The following HS3ST5 variants were observed in gnomAD, a reference collection of about 807,000 sequenced individuals.
HS3ST5 encodes the protein heparan sulfate-glucosamine 3-sulfotransferase 5.
A neutral mutation model predicts 25.4 loss-of-function variants in HS3ST5; 10 were observed. That is an observed-to-expected ratio of 0.39 (90% CI 0.24 to 0.67). The LOEUF (loss-of-function observed/expected upper bound fraction) is 0.67, where lower values mean the gene tolerates loss of function less well. HS3ST5 is among the 30% of genes least tolerant of loss of function. HS3ST5 has a pLI of 0.44. For missense variants in HS3ST5, 324 were observed against 420.7 expected (o/e 0.77, Z 2.01); for synonymous variants, 170 against 162.4 (o/e 1.05, Z -0.36).
At chr6:114,287,191 T>C (rs1223632356) in intron 1 of HS3ST5, among the ~76,000 whole-genome samples, 9 of 152,070 alleles carry the variant, frequency 5.9e-5, no homozygotes, top group Admixed American at 5.9e-4. Context: ...ATTAATATTA[T>C]GCATTCATGG....
chr6:114,331,025 T>C (rs1404480040), intron 1 of HS3ST5, among the ~76,000 whole-genome samples: 2 of 152,242 alleles, frequency 1.3e-5, no homozygotes, highest in Non-Finnish European at 2.9e-5. Flanking sequence ...TTTCAGCTAC[T>C]TATAACACGT....
Position 114,057,892 on chromosome 6 carries a change from T to C in HS3ST5, c.406A>G (p.Ile136Val). 2 of 1,614,222 alleles carry C rather than the reference T, an allele frequency of 1.2e-6. No homozygotes were observed. Among genetic ancestry groups the C allele is most frequent in the Non-Finnish European group, 1.7e-6 (2 of 1,180,042 alleles). The stretch of plus-strand genomic sequence containing the variant: ...GGCATCTTTTTCCTATACCACTCAA[T>C]GCCCTTACCATAATTCTCATCATTA... ...FDNDENYGKG[I>V]EWYRKKMPFS... Residue 136 changes from isoleucine (I) to valine (V), a missense_variant, in exon 5 of 5, where the codon ATT becomes GTT. Ile to Val is a conservative substitution (Grantham distance 29). This residue lies in a region of HS3ST5 where 203 missense variants were observed against 303.4 expected (regional missense o/e 0.67). Coordinates refer to ENST00000312719, the MANE Select transcript of HS3ST5 (RefSeq NM_153612.4).
intron 3 of HS3ST5, among the ~76,000 whole-genome samples, chr6:114,067,354 AACT>A (rs1480371503): frequency 1.4e-4 from 22 of 152,216 alleles, no homozygotes; most frequent in Admixed American, 4.6e-4. Flanking sequence ...CTCATGGTTA[AACT>A]GTTTAAGTTT....
At chr6:114,267,157 T>A (rs958201425) in intron 1 of HS3ST5, among the ~76,000 whole-genome samples, 1 of 152,226 alleles carries the variant, frequency 6.6e-6, no homozygotes, top group Non-Finnish European at 1.5e-5. Context: ...AAAGATTTAT[T>A]AAAGGCTAAT....
chr6:114,131,584 G>A (rs1279213895), intron 3 of HS3ST5, among the ~76,000 whole-genome samples: 3 of 152,036 alleles, frequency 2.0e-5, no homozygotes, highest in Non-Finnish European at 2.9e-5. Context: ...TTGGAGAAGG[G>A]GGACAATTTG....
At chr6:114,288,522 G>C (rs1774435741) in intron 1 of HS3ST5, among the ~76,000 whole-genome samples, 1 of 151,872 alleles carries the variant, frequency 6.6e-6, no homozygotes, top group Admixed American at 6.6e-5. Flanking sequence ...AAGAACATAA[G>C]AGACTTGTAC....
At chr6:114,142,319 T>G (rs575149744) in intron 3 of HS3ST5, among the ~76,000 whole-genome samples, 2 of 152,148 alleles carry the variant, frequency 1.3e-5, no homozygotes, top group Non-Finnish European at 2.9e-5. Context: ...AGGTTTACAG[T>G]TTGGGATTGG....
chr6:114,336,627 AT>A lies in HS3ST5; in HGVS notation c.-339+5567del, dbSNP rs1229381773. Among the ~76,000 whole-genome samples the A allele has an allele frequency of 4.6e-5, 7 of 151,996 alleles. No homozygotes were observed. The East Asian group carries it at 9.6e-4, about 21-fold the overall frequency. Reference sequence around the variant, plus strand: ...AACTCAAATAATAATAATAATAATAATTAATTAATTAAATTACTAAGAACTA... The same window carrying A: ...AACTCAAATAATAATAATAATAATAATAATTAATTAAATTACTAAGAACTA... On this transcript the variant is annotated intron_variant, in intron 1 of 4. Transcript: ENST00000312719.
chr6:114,060,087 C>T (rs1465776352), intron 4 of HS3ST5, among the ~76,000 whole-genome samples: 1 of 152,132 alleles, frequency 6.6e-6, no homozygotes, highest in African/African-American at 2.4e-5. Flanking sequence ...GATCTTGGCT[C>T]ACTGCAATCT....
At chr6:114,075,696 C>T (rs1413901020) in intron 3 of HS3ST5, among the ~76,000 whole-genome samples, 1 of 152,176 alleles carries the variant, frequency 6.6e-6, no homozygotes, top group African/African-American at 2.4e-5. Flanking sequence ...TGTGTGGGGA[C>T]TATGGCTCTT....
At chr6:114,194,502 A>G (rs1780649990) in intron 2 of HS3ST5, among the ~76,000 whole-genome samples, 1 of 152,106 alleles carries the variant, frequency 6.6e-6, no homozygotes, top group African/African-American at 2.4e-5. Context: ...AAAAGACTCC[A>G]CTGCTATTTC....
intron 2 of HS3ST5, among the ~76,000 whole-genome samples, chr6:114,182,816 A>G (rs1421487512): frequency 6.6e-6 from 1 of 152,158 alleles, no homozygotes; most frequent in Non-Finnish European, 1.5e-5. Flanking sequence ...ATTTCTAGGT[A>G]TGTGTGTGAG....
intron 3 of HS3ST5, among the ~76,000 whole-genome samples, chr6:114,066,944 A>G (rs1449859928): frequency 1.3e-5 from 2 of 152,128 alleles, no homozygotes; most frequent in African/African-American, 4.8e-5. Flanking sequence ...TTGAAAGTCT[A>G]TGCCCTTCCT....
intron 1 of HS3ST5, among the ~76,000 whole-genome samples, chr6:114,267,855 T>C (rs998357509): frequency 2.6e-5 from 4 of 152,172 alleles, no homozygotes; most frequent in Admixed American, 6.5e-5. Context: ...GACTTCTTTC[T>C]TGGATATCTT....
At chr6:114,300,155 G>T (rs529082738) in intron 1 of HS3ST5, among the ~76,000 whole-genome samples, 1 of 151,444 alleles carries the variant, frequency 6.6e-6, no homozygotes, top group African/African-American at 2.4e-5. Context: ...GAAAAAAACC[G>T]GATTTCATCA....
At chr6:114,231,625 C>T (rs1771594212) in intron 1 of HS3ST5, among the ~76,000 whole-genome samples, 1 of 152,104 alleles carries the variant, frequency 6.6e-6, no homozygotes, top group African/African-American at 2.4e-5. Context: ...GATTTATCCC[C>T]ACTCCAAAGT....
chr6:114,336,979 G>A (rs931368532), intron 1 of HS3ST5, among the ~76,000 whole-genome samples: 2 of 152,090 alleles, frequency 1.3e-5, no homozygotes, highest in African/African-American at 2.4e-5. Context: ...ATTATGCCTT[G>A]TATGCCTTTT....
chr6:114,254,342 T>C (rs9481436), intron 1 of HS3ST5, among the ~76,000 whole-genome samples: 1,529 of 152,326 alleles, frequency 0.01, 24 homozygotes, highest in African/African-American at 0.03. Flanking sequence ...CTATGGAAAA[T>C]AGTATTAATA....
chr6:114,219,989 GT>G (rs1396045550), intron 2 of HS3ST5, among the ~76,000 whole-genome samples: 2 of 152,156 alleles, frequency 1.3e-5, no homozygotes, highest in Admixed American at 1.3e-4. Context: ...GACTTTAGTT[GT>G]TTACAGCTTC....
Sources: allele counts gnomAD v4.1 joint callset (sites outside exome capture counted in the v4.1 genomes callset), GRCh38; gene constraint gnomAD v4.1.1; regional missense constraint gnomAD v4.1.1; transcripts MANE v1.5; gene names NCBI Gene and HGNC (gene_info 2026-07-23, HGNC 2026-07-21).